DEPTOR: variants seen among roughly 807,000 people sequenced by gnomAD.
DEPTOR encodes DEP domain-containing mTOR-interacting protein.
A neutral mutation model predicts 41.6 loss-of-function variants in DEPTOR; 41 were observed. The ratio of observed to expected loss-of-function variants is 0.98; its 90% CI spans 0.77 to 1.28. The LOEUF is 1.28. DEPTOR is among the 50% of genes most tolerant of loss of function. DEPTOR has a pLI of 0.00. For synonymous variants in DEPTOR, 195 were observed against 192.3 expected (o/e 1.01, Z -0.12); for missense variants, 514 against 527.9 (o/e 0.97, Z 0.26).
At chr8:119,920,969 TTAGCAC>T (rs1827883792) in intron 1 of DEPTOR, among the ~76,000 whole-genome samples, 1 of 144,136 alleles carries the variant, frequency 6.9e-6, no homozygotes, top group South Asian at 2.4e-4. Context: ...TCGATGACTT[TTAGCAC>T]TGAGGTTTTT....
intron 3 of DEPTOR, among the ~76,000 whole-genome samples, chr8:119,962,463 G>A (rs1051924495): frequency 6.6e-6 from 1 of 152,092 alleles, no homozygotes; most frequent in Non-Finnish European, 1.5e-5. Flanking sequence ...GTGGGGAGAA[G>A]AGAGGGAGAG....
intron 4 of DEPTOR, among the ~76,000 whole-genome samples, chr8:119,970,812 A>G (rs1828621843): frequency 1.3e-5 from 2 of 152,134 alleles, no homozygotes; most frequent in South Asian, 4.1e-4. Flanking sequence ...ACAGTTTCCT[A>G]TGTTCTTCCT....
At chr8:120,020,208 C>T (rs1043466629) in intron 8 of DEPTOR, among the ~76,000 whole-genome samples, 1 of 152,114 alleles carries the variant, frequency 6.6e-6, no homozygotes, top group African/African-American at 2.4e-5. Context: ...CTTCCTCAGC[C>T]TCTCAAATAT....
At chr8:119,970,907 G>A (rs190486738) in intron 4 of DEPTOR, among the ~76,000 whole-genome samples, 2 of 152,222 alleles carry the variant, frequency 1.3e-5, no homozygotes, top group South Asian at 2.1e-4. Flanking sequence ...AGGGGCCAAG[G>A]GAAAACATCC....
At chr8:120,041,599 G>A (rs1026160801) in intron 8 of DEPTOR, among the ~76,000 whole-genome samples, 19 of 152,020 alleles carry the variant, frequency 1.2e-4, no homozygotes, top group African/African-American at 4.1e-4. Context: ...GTGCAGTGGC[G>A]CCATCTCAGC....
At chr8:119,935,002 A>T (rs1752289579) in intron 3 of DEPTOR, among the ~76,000 whole-genome samples, 1 of 152,184 alleles carries the variant, frequency 6.6e-6, no homozygotes, top group Non-Finnish European at 1.5e-5. Flanking sequence ...GGAGTATGAG[A>T]AAGAGTGTGT....
chr8:119,928,039 G>T (rs1389878920), intron 1 of DEPTOR, among the ~76,000 whole-genome samples: 1 of 152,152 alleles, frequency 6.6e-6, no homozygotes, highest in Non-Finnish European at 1.5e-5. Flanking sequence ...CTTTGTTTCA[G>T]TGCATTTCTA....
rs1408664187 is a variant in DEPTOR at position 119,965,355 on chromosome 8, G to T, written c.549G>T (p.Arg183Ser). 2 of 1,614,148 alleles carry T rather than the reference G, an allele frequency of 1.2e-6. No homozygotes were observed. Among genetic ancestry groups the T allele is most frequent in the Non-Finnish European group, 1.7e-6 (2 of 1,180,020 alleles). Residue 183 changes from arginine (R) to serine (S), a missense_variant, in exon 4 of 9, where the codon AGG (arginine) becomes AGT (serine). By Grantham distance (110) the Arg-to-Ser change is moderately radical. Transcript: ENST00000286234. ...TTCAGGAAGGTGAGGCCACCACGAGGAAAGAGGCAGAGCAGCTTTGCCACC... is the reference window on the plus strand; with the variant it reads ...TTCAGGAAGGTGAGGCCACCACGAGTAAAGAGGCAGAGCAGCTTTGCCACC... Reference protein sequence around the residue: ...WLVQEGEATTRKEAEQLCHRL... With the variant: ...WLVQEGEATTSKEAEQLCHRL...
At chr8:119,923,362 G>C (rs1327189207) in intron 1 of DEPTOR, among the ~76,000 whole-genome samples, 1 of 151,970 alleles carries the variant, frequency 6.6e-6, no homozygotes, top group Non-Finnish European at 1.5e-5. Context: ...TCCCACTTCA[G>C]CCTCCCAAGT....
At chr8:119,965,875 C>A (rs111242251) in intron 4 of DEPTOR, among the ~76,000 whole-genome samples, 2 of 152,088 alleles carry the variant, frequency 1.3e-5, no homozygotes, top group Admixed American at 6.6e-5. Context: ...AGCCAAAGAG[C>A]CTTCATAAAA....
intron 8 of DEPTOR, among the ~76,000 whole-genome samples, chr8:120,032,047 C>T (rs966025601): frequency 1.3e-5 from 2 of 152,072 alleles, no homozygotes; most frequent in Admixed American, 6.6e-5. Context: ...ACAGCACTTC[C>T]GCCTTTACCT....
At chr8:119,950,399 T>C (rs188468622) in intron 3 of DEPTOR, among the ~76,000 whole-genome samples, 99 of 152,282 alleles carry the variant, frequency 6.5e-4, no homozygotes, top group African/African-American at 2.3e-3. Context: ...TGTTTCTTTT[T>C]TTAAATTTAA....
At chr8:119,878,138 G>A (rs986534074) in intron 1 of DEPTOR, among the ~76,000 whole-genome samples, 6 of 152,012 alleles carry the variant, frequency 3.9e-5, no homozygotes, top group African/African-American at 1.4e-4. Flanking sequence ...TTCAACCCAG[G>A]AGGCGGAGAT....
intron 3 of DEPTOR, among the ~76,000 whole-genome samples, chr8:119,949,464 G>T (rs561973738): frequency 6.6e-6 from 1 of 152,176 alleles, no homozygotes; most frequent in South Asian, 2.1e-4. Context: ...TTTCTGAAGT[G>T]CCTGCACCAT....
chr8:119,977,402 T>A (rs1221703973), intron 4 of DEPTOR, among the ~76,000 whole-genome samples: 1 of 152,080 alleles, frequency 6.6e-6, no homozygotes, highest in African/African-American at 2.4e-5. Flanking sequence ...AAAAAAAAGC[T>A]GGGTAGAGTA....
At chr8:119,963,999 T>A (rs1379325284) in intron 3 of DEPTOR, among the ~76,000 whole-genome samples, 1 of 152,178 alleles carries the variant, frequency 6.6e-6, no homozygotes, top group Non-Finnish European at 1.5e-5. Context: ...TGCAGGTGGC[T>A]GCTTCTTGGT....
intron 4 of DEPTOR, among the ~76,000 whole-genome samples, chr8:119,969,085 A>T (rs2129980609): frequency 6.7e-6 from 1 of 150,080 alleles, no homozygotes; most frequent in Admixed American, 6.7e-5. Context: ...ACACAGCAAG[A>T]CTCCATCTCA....
chr8:119,964,440 A>G (rs1828529422), intron 3 of DEPTOR, among the ~76,000 whole-genome samples: 2 of 149,238 alleles, frequency 1.3e-5, no homozygotes, highest in Non-Finnish European at 3.0e-5. Flanking sequence ...GCTTGAACCC[A>G]GGAGGTGGAG....
At chr8:120,049,042 C>T (rs979910145) in intron 8 of DEPTOR, among the ~76,000 whole-genome samples, 2 of 151,980 alleles carry the variant, frequency 1.3e-5, no homozygotes, top group Non-Finnish European at 2.9e-5. Flanking sequence ...AAGTTTACAT[C>T]GATATTACCC....
Sources: gnomAD v4.1 joint callset for allele counts (sites outside exome capture counted in the v4.1 genomes callset) on GRCh38, gnomAD v4.1.1 for gene constraint, MANE v1.5 for transcripts, NCBI Gene and HGNC (gene_info 2026-07-23, HGNC 2026-07-21) for gene names.